Variants in GLI2 observed in about 807,000 individuals in gnomAD.
GLI2 encodes the protein GLI family zinc finger 2.
In GLI2, 22 loss-of-function variants were observed where a neutral mutation model predicts 78.9. The ratio of observed to expected loss-of-function variants is 0.28; its 90% CI spans 0.20 to 0.40. The LOEUF is 0.40. Ranked by LOEUF, GLI2 falls within the 10% of genes least tolerant of loss-of-function variation. The pLI is 1.00. For synonymous variants in GLI2, 974 were observed against 963.7 expected, an observed-to-expected ratio of 1.01 and a Z score of -0.20; for missense variants, 2,097 against 2,213.2, an observed-to-expected ratio of 0.95 and a Z score of 1.05.
rs1215971451 is a variant in GLI2, at chr2:120,778,167, C to T, written c.-30-19124C>T. On this transcript the variant is annotated intron_variant, in intron 1 of 13. Coordinates refer to ENST00000361492, the MANE Select transcript of GLI2 (RefSeq NM_001374353.1). ...GAGTTGTGCTGCTGAAGCCTTGTAG[C>T]CCCCACAGATGATGGCCAAGAAAGT... 3.3e-5 allele frequency among the ~76,000 whole-genome samples: 5 copies of T among 152,244 alleles called. No individual in the cohort carries two copies. The East Asian group carries it at 9.7e-4, about 29-fold the overall frequency.
intron 8 of GLI2, among the ~76,000 whole-genome samples, chr2:120,974,070 A>G (rs1157437569): frequency 2.6e-5 from 4 of 152,052 alleles, no homozygotes; most frequent in African/African-American, 9.7e-5. Context: ...GAAAGACAAC[A>G]TTTTCCTGCT....
intron 2 of GLI2, among the ~76,000 whole-genome samples, chr2:120,850,851 AT>A (rs1460763057): frequency 6.6e-6 from 1 of 152,240 alleles, no homozygotes; most frequent in Admixed American, 6.5e-5. Context: ...CTCTGTATAA[AT>A]AACCAATAAA....
chr2:120,965,405 G>A (rs1414937651), intron 5 of GLI2, among the ~76,000 whole-genome samples: 1 of 139,660 alleles, frequency 7.2e-6, no homozygotes, highest in Non-Finnish European at 1.5e-5. Flanking sequence ...CAGCCAGGAT[G>A]CAGGTGCTGC....
At chr2:120,876,798 A>C (rs1301509568) in intron 2 of GLI2, among the ~76,000 whole-genome samples, 1 of 152,172 alleles carries the variant, frequency 6.6e-6, no homozygotes, top group African/African-American at 2.4e-5. Flanking sequence ...GTGGGGTCCG[A>C]GGCAGGTGGA....
intron 2 of GLI2, among the ~76,000 whole-genome samples, chr2:120,848,034 G>T (rs1391329802): frequency 6.6e-6 from 1 of 152,210 alleles, no homozygotes; most frequent in Non-Finnish European, 1.5e-5. Flanking sequence ...GCGGGCCATG[G>T]TGGCGGCCTC....
rs2105036633 is a variant in GLI2 at position 120,975,030 on chromosome 2, C to G, written c.1238C>G (p.Ala413Gly). 6.2e-7 allele frequency: 1 copy of G among 1,614,146 alleles called. No individual in the cohort carries two copies. Among genetic ancestry groups the G allele is most frequent in the Non-Finnish European group, 8.5e-7 (1 of 1,180,012 alleles). Residue 413 changes from alanine to glycine, a missense_variant, in exon 9 of 14, where the codon GCT (alanine) becomes GGT (glycine). By Grantham distance (60) the Ala-to-Gly change is moderately conservative (BLOSUM62 0). Transcript: ENST00000361492. ...GACAGGGATGACTGTAAGCAGGAGG[C>G]TGAGGTGGTCATCTATGAGACCAAC... ...DLDRDDCKQEAEVVIYETNCH... is the reference protein window; with the variant it reads ...DLDRDDCKQEGEVVIYETNCH...
intron 5 of GLI2, among the ~76,000 whole-genome samples, chr2:120,961,977 C>CA (rs1681587768): frequency 6.6e-6 from 1 of 152,168 alleles, no homozygotes; most frequent in African/African-American, 2.4e-5. Flanking sequence ...CAGGATGATG[C>CA]TCTTTCCTCC....
chr2:120,991,096 G>A lies in GLI2; in HGVS notation c.*421G>A, dbSNP rs1350438968. The A allele has an allele frequency of 5.9e-6, 1 of 169,322 alleles. No homozygotes were observed. Among genetic ancestry groups the A allele is most frequent in the Non-Finnish European group, 1.3e-5 (1 of 78,226 alleles). The allele number at this position is 169,322 out of a possible 1,614,324, so 10.5% of individuals were successfully genotyped here. On this transcript the variant is annotated 3_prime_UTR_variant, in exon 14 of 14. Transcript: ENST00000361492. ...ATGCTATACTGGATACTCTGCTCCG[G>A]AAAGATGAGCTTTTTATTCTACTAC...
chr2:120,968,755 C>T lies in GLI2; in HGVS notation c.685C>T (p.Arg229Cys), dbSNP rs751614251. The change falls in exon 6 of 14, where the codon CGC (arginine) becomes TGC (cysteine). Residue 229 changes from arginine to cysteine, a missense_variant. Physicochemically the swap from Arg to Cys is radical, Grantham distance 180 (BLOSUM62 -3). Coordinates refer to ENST00000361492, the MANE Select transcript of GLI2 (RefSeq NM_001374353.1). ...SSPRVTPRLS[R>C]KRALSISPLS... ...CCCGCGGGTGACGCCCCGCCTGAGCCGCAAGCGGGCGCTGTCCATCTCCCC... is the reference window on the plus strand; with the variant it reads ...CCCGCGGGTGACGCCCCGCCTGAGCTGCAAGCGGGCGCTGTCCATCTCCCC... The T allele has an allele frequency of 9.9e-6, 16 of 1,613,484 alleles. No homozygotes were observed. Among genetic ancestry groups the T allele is most frequent in the Admixed American group, 1.7e-5 (1 of 59,990 alleles).
At chr2:120,814,778 G>GCCCGCCCCACCC (rs1226426909) in intron 2 of GLI2, among the ~76,000 whole-genome samples, 1 of 70,416 alleles carries the variant, frequency 1.4e-5, no homozygotes, top group Non-Finnish European at 3.1e-5. Flanking sequence ...TCCTGCCCCC[G>GCCCGCCCCACCC]CCCGCCCCAC....
At chr2:120,825,770 A>G (rs766565493) in intron 2 of GLI2, among the ~76,000 whole-genome samples, 3 of 152,140 alleles carry the variant, frequency 2.0e-5, no homozygotes, top group Non-Finnish European at 4.4e-5. Flanking sequence ...CTTCCTGCAG[A>G]CATCAGATCC....
intron 13 of GLI2, 62 bp from the exon 14 acceptor site, chr2:120,988,146 C>T (rs773051890): frequency 2.3e-5 from 34 of 1,467,636 alleles, no homozygotes; most frequent in Non-Finnish European, 3.0e-5. Flanking sequence ...GATGACTGAG[C>T]ACGGTCAAAG....
intron 3 of GLI2, among the ~76,000 whole-genome samples, chr2:120,947,429 T>G (rs1159544891): frequency 6.6e-6 from 1 of 152,224 alleles, no homozygotes; most frequent in Non-Finnish European, 1.5e-5. Context: ...CAGTCAGCCC[T>G]ACCCTGGGGA....
intron 2 of GLI2, among the ~76,000 whole-genome samples, chr2:120,838,847 G>C (rs1686735267): frequency 6.6e-6 from 1 of 152,180 alleles, no homozygotes; most frequent in South Asian, 2.1e-4. Context: ...GGGTCAATAG[G>C]TTCCAGGAAG....
intron 2 of GLI2, among the ~76,000 whole-genome samples, chr2:120,878,211 T>C (rs1688855736): frequency 6.6e-6 from 1 of 152,232 alleles, no homozygotes; most frequent in South Asian, 2.1e-4. Context: ...AGATATTCAT[T>C]ATGTGTATCC....
chr2:120,884,601 G>A (rs954848069), intron 2 of GLI2, among the ~76,000 whole-genome samples: 2 of 152,124 alleles, frequency 1.3e-5, no homozygotes, highest in African/African-American at 4.8e-5. Flanking sequence ...CTGTGTGCAG[G>A]CTGTGAGGTG....
At position 120,766,205 on chromosome 2, in the gene GLI2, G is replaced by A. The variant is rs999592509; in HGVS notation, c.-31+29920G>A. Reference sequence around the variant, plus strand: ...ACCCTCTGTGACCTCGCAGCCTTCGGTCCAGCTGTGGCGCCTCAGTTTGGA... The same window carrying A: ...ACCCTCTGTGACCTCGCAGCCTTCGATCCAGCTGTGGCGCCTCAGTTTGGA... On this transcript the variant is annotated intron_variant, in intron 1 of 13. Transcript: ENST00000361492. 7.9e-5 allele frequency among the ~76,000 whole-genome samples: 12 copies of A among 152,352 alleles called. No individual in the cohort carries two copies. In the East Asian group the frequency reaches 2.3e-3, roughly 29 times the overall value.
At chr2:120,959,392 G>T (rs1681432827) in intron 5 of GLI2, among the ~76,000 whole-genome samples, 1 of 152,194 alleles carries the variant, frequency 6.6e-6, no homozygotes, top group African/African-American at 2.4e-5. Context: ...TGGATTTCAG[G>T]AGCAGATGCC....
intron 2 of GLI2, among the ~76,000 whole-genome samples, chr2:120,893,808 T>C (rs1048579705): frequency 3.3e-5 from 5 of 152,198 alleles, no homozygotes; most frequent in African/African-American, 1.2e-4. Context: ...GATGGTTTTC[T>C]GGGTCTTCAA....
Sources: allele counts gnomAD v4.1 joint callset (sites outside exome capture counted in the v4.1 genomes callset), GRCh38; gene constraint gnomAD v4.1.1; transcripts MANE v1.5; gene names NCBI Gene and HGNC (gene_info 2026-07-23, HGNC 2026-07-21).